Variants in BBS9 observed in about 807,000 individuals in gnomAD.
BBS9 encodes Bardet-Biedl syndrome 9.
Under a neutral mutation model 117.7 loss-of-function variants are expected in BBS9, and 89 were observed. The ratio of observed to expected loss-of-function variants is 0.76; its 90% CI spans 0.64 to 0.90. BBS9 has a LOEUF of 0.90. Ranked by LOEUF, BBS9 falls within the 40% of genes least tolerant of loss-of-function variation. The pLI, the probability that BBS9 is intolerant of heterozygous loss-of-function variation, is 0.00. For missense variants in BBS9, 982 were observed against 1,042.2 expected, an observed-to-expected ratio of 0.94 and a Z score of 0.80; for synonymous variants, 379 against 370.9, an observed-to-expected ratio of 1.02 and a Z score of -0.25.
intron 19 of BBS9, among the ~76,000 whole-genome samples, chr7:33,452,571 A>G (rs1296022100): frequency 6.6e-6 from 1 of 152,220 alleles, no homozygotes; most frequent in Non-Finnish European, 1.5e-5. Flanking sequence ...TGAATATTAA[A>G]TAAGGTAATG....
intron 6 of BBS9, among the ~76,000 whole-genome samples, chr7:33,260,359 A>G (rs143353373): frequency 3.3e-5 from 5 of 152,214 alleles, no homozygotes; most frequent in East Asian, 1.9e-4. Flanking sequence ...TTTTACCTCT[A>G]TGATGTGGAC....
intron 9 of BBS9, among the ~76,000 whole-genome samples, chr7:33,310,085 T>G (rs1808897297): frequency 6.6e-6 from 1 of 152,168 alleles, no homozygotes; most frequent in Admixed American, 6.5e-5. Context: ...TAGTGTTGAG[T>G]AGCTGTCTCA....
chr7:33,294,321 CTATCTA>C (rs1317805008), intron 9 of BBS9, among the ~76,000 whole-genome samples: 1 of 143,796 alleles, frequency 7.0e-6, no homozygotes, highest in Non-Finnish European at 1.5e-5. Flanking sequence ...ATCTATCTAT[CTATCTA>C]TCTATCTATC....
chr7:33,331,591 T>C (rs1293982259), intron 9 of BBS9, among the ~76,000 whole-genome samples: 4 of 150,576 alleles, frequency 2.7e-5, no homozygotes, highest in Middle Eastern at 3.5e-3. Context: ...CGTAGATCAG[T>C]AGCACTGCTA....
chr7:33,499,990 G>T (rs905058904), intron 19 of BBS9, among the ~76,000 whole-genome samples: 2 of 152,102 alleles, frequency 1.3e-5, no homozygotes, highest in African/African-American at 4.8e-5. Flanking sequence ...CCTAGAAAAT[G>T]TCTGTTTTCT....
chr7:33,516,285 T>G (rs1847775725), intron 20 of BBS9, among the ~76,000 whole-genome samples: 1 of 151,208 alleles, frequency 6.6e-6, no homozygotes, highest in Non-Finnish European at 1.5e-5. Flanking sequence ...GGTCAGGAGT[T>G]CAAGACCAGC....
At chr7:33,439,096 C>A (rs1835738551) in intron 19 of BBS9, among the ~76,000 whole-genome samples, 3 of 152,090 alleles carry the variant, frequency 2.0e-5, no homozygotes, top group Admixed American at 6.6e-5. Flanking sequence ...ACCCTTCAGC[C>A]CTAAAGCCTG....
chr7:33,452,856 G>A (rs1266984686), intron 19 of BBS9, among the ~76,000 whole-genome samples: 1 of 152,122 alleles, frequency 6.6e-6, no homozygotes, highest in Non-Finnish European at 1.5e-5. Context: ...TGTAGTATGG[G>A]ATCAAAAGAG....
intron 5 of BBS9, among the ~76,000 whole-genome samples, chr7:33,219,387 T>A (rs1194165560): frequency 6.6e-6 from 1 of 152,160 alleles, no homozygotes; most frequent in Non-Finnish European, 1.5e-5. Flanking sequence ...GGCAGGCAGC[T>A]CCACCTGCAG....
chr7:33,476,347 C>G (rs1311961467), intron 19 of BBS9, among the ~76,000 whole-genome samples: 1 of 152,160 alleles, frequency 6.6e-6, no homozygotes, highest in Non-Finnish European at 1.5e-5. Flanking sequence ...CCTCACCCTT[C>G]TTTGGCTCTG....
chr7:33,187,853 C>T (rs368225979), intron 5 of BBS9, among the ~76,000 whole-genome samples: 10 of 151,776 alleles, frequency 6.6e-5, no homozygotes, highest in African/African-American at 2.2e-4. Context: ...ACCCAGGAGG[C>T]GGAGGTTGCA....
intron 21 of BBS9, among the ~76,000 whole-genome samples, chr7:33,581,708 T>G (rs1010975140): frequency 6.6e-6 from 1 of 152,182 alleles, no homozygotes; most frequent in African/African-American, 2.4e-5. Context: ...CACTAACATT[T>G]ATATGATATT....
chr7:33,251,925 T>C (rs1796279414), intron 5 of BBS9, among the ~76,000 whole-genome samples: 1 of 152,212 alleles, frequency 6.6e-6, no homozygotes, highest in Non-Finnish European at 1.5e-5. Flanking sequence ...TACTATGCTA[T>C]ATTAGGCTGT....
intron 21 of BBS9, among the ~76,000 whole-genome samples, chr7:33,535,771 G>A (rs1022271856): frequency 2.0e-5 from 3 of 151,852 alleles, no homozygotes; most frequent in African/African-American, 4.8e-5. Context: ...AGACTTGAGG[G>A]AAAAGGGCAG....
chr7:33,139,272 A>G (rs1289682286), intron 1 of BBS9, among the ~76,000 whole-genome samples: 1 of 149,174 alleles, frequency 6.7e-6, no homozygotes, highest in Non-Finnish European at 1.5e-5. Flanking sequence ...AACAAAAAAC[A>G]AAACAAAACA....
rs572900813 is a variant in BBS9, at chr7:33,368,814, G to A, written c.1789+952G>A. ...GCAGGAGGAACAGACATCCCATTTA[G>A]AAACTGTAACAATGTTTTTATGGCT... On this transcript the variant is annotated intron_variant, in intron 17 of 22. Coordinates refer to ENST00000242067, the MANE Select transcript of BBS9 (RefSeq NM_198428.3). Among the ~76,000 whole-genome samples the A allele has an allele frequency of 2.5e-3, 384 of 152,178 alleles. 1 individual carries two copies. Among genetic ancestry groups the A allele is most frequent in the Non-Finnish European group, 4.1e-3 (282 of 67,986 alleles).
intron 19 of BBS9, among the ~76,000 whole-genome samples, chr7:33,443,427 C>T (rs988036801): frequency 2.0e-5 from 3 of 152,080 alleles, no homozygotes; most frequent in South Asian, 2.1e-4. Flanking sequence ...TCACTCCCAC[C>T]GGGAAACCCC....
intron 6 of BBS9, among the ~76,000 whole-genome samples, chr7:33,259,253 A>C (rs1797575202): frequency 6.6e-6 from 1 of 152,200 alleles, no homozygotes; most frequent in African/African-American, 2.4e-5. Context: ...TTCATTTTTG[A>C]TATTGATACC....
chr7:33,581,980 A>G (rs1474334784), intron 21 of BBS9, among the ~76,000 whole-genome samples: 2 of 151,368 alleles, frequency 1.3e-5, no homozygotes, highest in Non-Finnish European at 2.9e-5. Flanking sequence ...ATTTTACACC[A>G]TGGTTAGTCA....
Sources: gnomAD v4.1 joint callset for allele counts (sites outside exome capture counted in the v4.1 genomes callset) on GRCh38, gnomAD v4.1.1 for gene constraint, MANE v1.5 for transcripts, NCBI Gene and HGNC (gene_info 2026-07-23, HGNC 2026-07-21) for gene names.